SLC4A10: variants seen among roughly 807,000 people sequenced by gnomAD.
SLC4A10 encodes the protein sodium-driven chloride bicarbonate exchanger.
A neutral mutation model predicts 137.7 loss-of-function variants in SLC4A10; 42 were observed. The ratio of observed to expected loss-of-function variants is 0.30; its 90% CI spans 0.24 to 0.39. SLC4A10 has a LOEUF of 0.39. Among genes scored for constraint, SLC4A10 ranks in the 10% least tolerant of loss-of-function variants. SLC4A10 has a pLI of 1.00. For synonymous variants in SLC4A10, 474 were observed against 464.1 expected, an observed-to-expected ratio of 1.02 and a Z score of -0.27; for missense variants, 925 against 1,355.0, an observed-to-expected ratio of 0.68 and a Z score of 4.98.
chr2:161,683,815 A>G (rs183128281), intron 1 of SLC4A10, among the ~76,000 whole-genome samples: 20 of 152,334 alleles, frequency 1.3e-4, no homozygotes, highest in Admixed American at 1.2e-3. Flanking sequence ...ATAAAGAAAG[A>G]CAATATACTC....
At chr2:161,976,649 GA>G (rs1699424556) in intron 24 of SLC4A10, 110 bp from the exon 25 acceptor site, 5 of 514,302 alleles carry the variant, frequency 9.7e-6, no homozygotes, top group Non-Finnish European at 1.7e-5. Flanking sequence ...TAAAAATTGG[GA>G]AAAATATTCT....
At chr2:161,688,135 A>C (rs966055134) in intron 1 of SLC4A10, among the ~76,000 whole-genome samples, 2 of 152,232 alleles carry the variant, frequency 1.3e-5, no homozygotes, top group Non-Finnish European at 2.9e-5. Flanking sequence ...TAAAAGAATT[A>C]CTTAGGAAAT....
intron 1 of SLC4A10, among the ~76,000 whole-genome samples, chr2:161,641,981 T>C (rs954690309): frequency 2.6e-5 from 4 of 151,970 alleles, no homozygotes; most frequent in African/African-American, 9.7e-5. Flanking sequence ...AACTTATAAT[T>C]CCATCTGTTT....
chr2:161,761,599 G>T (rs564650403), intron 1 of SLC4A10, among the ~76,000 whole-genome samples: 1 of 152,110 alleles, frequency 6.6e-6, no homozygotes, highest in East Asian at 1.9e-4. Flanking sequence ...AAAAATGCAG[G>T]TTTCGCTACC....
At chr2:161,708,304 T>C (rs1318627156) in intron 1 of SLC4A10, among the ~76,000 whole-genome samples, 1 of 151,492 alleles carries the variant, frequency 6.6e-6, no homozygotes, top group Non-Finnish European at 1.5e-5. Context: ...TAGTCACATA[T>C]AGAGAAAGCT....
intron 19 of SLC4A10, among the ~76,000 whole-genome samples, chr2:161,954,624 T>C (rs1695338682): frequency 6.6e-6 from 1 of 152,224 alleles, no homozygotes; most frequent in Non-Finnish European, 1.5e-5. Context: ...AGAAGGATAC[T>C]GGTTAGTTAG....
chr2:161,673,507 T>C (rs1475063170), intron 1 of SLC4A10, among the ~76,000 whole-genome samples: 2 of 152,146 alleles, frequency 1.3e-5, no homozygotes, highest in African/African-American at 2.4e-5. Context: ...AAAGGTACAA[T>C]CTGGTAAGAT....
chr2:161,876,547 G>A (rs1007725283), intron 8 of SLC4A10, among the ~76,000 whole-genome samples: 3 of 152,030 alleles, frequency 2.0e-5, no homozygotes, highest in Admixed American at 6.6e-5. Context: ...AGGCATGGTG[G>A]CGCACCTGTA....
chr2:161,657,418 G>A (rs932678031), intron 1 of SLC4A10, among the ~76,000 whole-genome samples: 2 of 151,694 alleles, frequency 1.3e-5, no homozygotes, highest in Admixed American at 1.3e-4. Flanking sequence ...CTAATATATT[G>A]TTCTAGATTA....
At chr2:161,860,067 G>A (rs2060346957) in intron 5 of SLC4A10, among the ~76,000 whole-genome samples, 1 of 152,146 alleles carries the variant, frequency 6.6e-6, no homozygotes, top group Admixed American at 6.5e-5. Flanking sequence ...AACAATGTAA[G>A]TGATTACTAA....
chr2:161,944,304 C>A (rs1281089752), intron 16 of SLC4A10, among the ~76,000 whole-genome samples: 1 of 151,804 alleles, frequency 6.6e-6, no homozygotes, highest in Non-Finnish European at 1.5e-5. Flanking sequence ...TTTACAGAGC[C>A]TCTTGATGTC....
At chr2:161,745,996 A>G (rs1253962890) in intron 1 of SLC4A10, among the ~76,000 whole-genome samples, 5 of 152,122 alleles carry the variant, frequency 3.3e-5, no homozygotes, top group African/African-American at 4.8e-5. Flanking sequence ...AAGCACTCCT[A>G]TGGCCACCAC....
chr2:161,925,211 G>T (rs996371341), intron 15 of SLC4A10, among the ~76,000 whole-genome samples: 1 of 152,150 alleles, frequency 6.6e-6, no homozygotes, highest in Non-Finnish European at 1.5e-5. Flanking sequence ...ATTGATTATT[G>T]TCACAATTTC....
intron 8 of SLC4A10, among the ~76,000 whole-genome samples, chr2:161,875,568 TA>T (rs1319246506): frequency 6.6e-6 from 1 of 152,216 alleles, no homozygotes; most frequent in African/African-American, 2.4e-5. Flanking sequence ...ATAATACTTT[TA>T]AAAAGCAGAT....
At chr2:161,677,222 T>C (rs1031885117) in intron 1 of SLC4A10, among the ~76,000 whole-genome samples, 1 of 152,150 alleles carries the variant, frequency 6.6e-6, no homozygotes, top group South Asian at 2.1e-4. Context: ...CCTCACTATG[T>C]GACCTCTGCA....
At chr2:161,981,253 G>A (rs565377044) in intron 26 of SLC4A10, among the ~76,000 whole-genome samples, 2 of 152,294 alleles carry the variant, frequency 1.3e-5, no homozygotes, top group East Asian at 3.9e-4. Flanking sequence ...TCAAAGTATT[G>A]TGCACACAGT....
At chr2:161,722,162 C>A (rs771848449) in intron 1 of SLC4A10, among the ~76,000 whole-genome samples, 5 of 152,164 alleles carry the variant, frequency 3.3e-5, no homozygotes, top group Non-Finnish European at 7.3e-5. Context: ...TATTACTCAC[C>A]TTCTGCAGCC....
At chr2:161,881,263 T>G (rs1205634663) in intron 9 of SLC4A10, among the ~76,000 whole-genome samples, 1 of 151,912 alleles carries the variant, frequency 6.6e-6, no homozygotes, top group Non-Finnish European at 1.5e-5. Flanking sequence ...ACCTGAAAAA[T>G]AGCAAGATGT....
At chr2:161,752,151 G>T (rs949266028) in intron 1 of SLC4A10, among the ~76,000 whole-genome samples, 3 of 151,874 alleles carry the variant, frequency 2.0e-5, no homozygotes, top group Admixed American at 1.3e-4. Context: ...TTCCAAAAAG[G>T]AAGTACATCT....
Sources: allele counts gnomAD v4.1 joint callset (sites outside exome capture counted in the v4.1 genomes callset), GRCh38; gene constraint gnomAD v4.1.1; transcripts MANE v1.5; gene names NCBI Gene and HGNC (gene_info 2026-07-23, HGNC 2026-07-21).